STK31: variants seen among roughly 807,000 people sequenced by gnomAD.
STK31 encodes the protein serine/threonine kinase 31, also known as serine/threonine-protein kinase 31.
STK31 carries 89 observed loss-of-function variants against 129.7 expected under a neutral mutation model. The ratio of observed to expected loss-of-function variants is 0.69; its 90% CI spans 0.58 to 0.82. The LOEUF (loss-of-function observed/expected upper bound fraction) is 0.82. Ranked by LOEUF, STK31 falls within the 40% of genes least tolerant of loss-of-function variation. STK31 has a pLI of 0.00. For missense variants in STK31, 1,187 were observed against 1,176.4 expected (o/e 1.01, Z -0.13); for synonymous variants, 448 against 395.3 (o/e 1.13, Z -1.58).
intron 15 of STK31, among the ~76,000 whole-genome samples, chr7:23,779,835 G>A (rs559195625): frequency 6.6e-6 from 1 of 152,176 alleles, no homozygotes; most frequent in Non-Finnish European, 1.5e-5. Context: ...CCTCTTTTCA[G>A]GGGAGTCAAC....
At chr7:23,807,317 G>C (rs1366563450) in intron 22 of STK31, among the ~76,000 whole-genome samples, 3 of 152,072 alleles carry the variant, frequency 2.0e-5, no homozygotes, top group African/African-American at 7.2e-5. Context: ...TTTTCACTGG[G>C]AATAGAATTC....
intron 22 of STK31, among the ~76,000 whole-genome samples, chr7:23,793,279 G>A (rs772487786): frequency 1.3e-5 from 2 of 152,128 alleles, no homozygotes; most frequent in African/African-American, 2.4e-5. Context: ...AATGTAAAAC[G>A]TGAGTCTAAA....
chr7:23,755,834 T>C (rs1265111515), intron 10 of STK31, among the ~76,000 whole-genome samples: 2 of 152,206 alleles, frequency 1.3e-5, no homozygotes, highest in African/African-American at 4.8e-5. Flanking sequence ...CTGAGGTTTC[T>C]GTTCTGCTCC....
At chr7:23,816,698 G>T (rs1364014474) in intron 23 of STK31, among the ~76,000 whole-genome samples, 2 of 152,234 alleles carry the variant, frequency 1.3e-5, no homozygotes, top group African/African-American at 4.8e-5. Context: ...TGTATACGCA[G>T]AGAAGGCAGT....
At chr7:23,830,107 G>A (rs1252217382) in intron 23 of STK31, among the ~76,000 whole-genome samples, 2 of 151,972 alleles carry the variant, frequency 1.3e-5, no homozygotes, top group Non-Finnish European at 2.9e-5. Context: ...CCGCCACAAC[G>A]CCTAGCTAAT....
At chr7:23,761,655 G>C (rs1421616827) in intron 10 of STK31, among the ~76,000 whole-genome samples, 1 of 151,014 alleles carries the variant, frequency 6.6e-6, no homozygotes, top group African/African-American at 2.4e-5. Flanking sequence ...TGATCCGCCT[G>C]CCTCGGCCTC....
intron 11 of STK31, among the ~76,000 whole-genome samples, chr7:23,765,593 G>A (rs1016934553): frequency 2.6e-5 from 3 of 116,352 alleles, no homozygotes; most frequent in Non-Finnish European, 5.1e-5. Context: ...GTCTCACTCT[G>A]TTACCCAGGT....
intron 17 of STK31, among the ~76,000 whole-genome samples, chr7:23,784,985 T>A (rs968998659): frequency 6.6e-6 from 1 of 152,190 alleles, no homozygotes; most frequent in Non-Finnish European, 1.5e-5. Flanking sequence ...TTTGTTTTTT[T>A]ACAAATGTTT....
chr7:23,724,157 A>G (rs553779182), intron 4 of STK31, among the ~76,000 whole-genome samples: 17 of 152,324 alleles, frequency 1.1e-4, no homozygotes, highest in African/African-American at 4.1e-4. Context: ...TTATAATTAG[A>G]TATAAATGCT....
intron 23 of STK31, among the ~76,000 whole-genome samples, chr7:23,828,540 C>G (rs1794328833): frequency 1.3e-5 from 2 of 152,260 alleles, no homozygotes; most frequent in Admixed American, 1.3e-4. Flanking sequence ...CCTTGCGCTT[C>G]CCGGGTGAGG....
At chr7:23,759,897 A>T (rs1461579706) in intron 10 of STK31, among the ~76,000 whole-genome samples, 1 of 152,164 alleles carries the variant, frequency 6.6e-6, no homozygotes, top group Non-Finnish European at 1.5e-5. Context: ...TTTGAGGGAC[A>T]TTAGGCTTGT....
At chr7:23,766,735 A>G (rs1295762702) in intron 11 of STK31, among the ~76,000 whole-genome samples, 6 of 152,178 alleles carry the variant, frequency 3.9e-5, no homozygotes, top group Non-Finnish European at 1.5e-5. Context: ...TGTAGGTAAT[A>G]CTTGATAATT....
chr7:23,742,197 A>G (rs1197335169), intron 8 of STK31, among the ~76,000 whole-genome samples: 1 of 152,216 alleles, frequency 6.6e-6, no homozygotes, highest in African/African-American at 2.4e-5. Flanking sequence ...AACTCAGAAA[A>G]TGGTGCCTTG....
At chr7:23,805,331 C>T (rs1792634267) in intron 22 of STK31, among the ~76,000 whole-genome samples, 1 of 152,192 alleles carries the variant, frequency 6.6e-6, no homozygotes, top group Non-Finnish European at 1.5e-5. Flanking sequence ...CTGCCTCGGC[C>T]TCCCAAAGTG....
chr7:23,792,556 A>G (rs1791683988), intron 22 of STK31, among the ~76,000 whole-genome samples: 2 of 152,202 alleles, frequency 1.3e-5, no homozygotes, highest in South Asian at 4.1e-4. Context: ...ATTCGATGCA[A>G]TTTCAACAAA....
intron 16 of STK31, among the ~76,000 whole-genome samples, chr7:23,782,471 C>CAAAAAAAAAAAAAAAAA (rs66962254): frequency 2.4e-5 from 2 of 84,528 alleles, no homozygotes; most frequent in African/African-American, 4.4e-5. Flanking sequence ...GACCCTGTCT[C>CAAAAAAAAAAAAAAAAA]AAAAAAAAAA....
intron 9 of STK31, 114 bp from the exon 10 acceptor site, chr7:23,754,201 C>T (rs562070143): frequency 2.0e-6 from 2 of 1,000,508 alleles, no homozygotes; most frequent in African/African-American, 3.3e-5. Flanking sequence ...GGTACCCCTT[C>T]AAAGCCAGTG....
chr7:23,715,743 T>C (rs914529245), intron 3 of STK31, among the ~76,000 whole-genome samples: 9 of 152,238 alleles, frequency 5.9e-5, no homozygotes, highest in Non-Finnish European at 1.3e-4. Flanking sequence ...GAGACTTTGA[T>C]ATTCATCATG....
chr7:23,781,753 C>T (rs1790939731), intron 16 of STK31, among the ~76,000 whole-genome samples: 1 of 152,126 alleles, frequency 6.6e-6, no homozygotes, highest in Admixed American at 6.5e-5. Flanking sequence ...GAAGGAAAAA[C>T]ATCACTTGTA....
Sources: gnomAD v4.1 joint callset for allele counts (sites outside exome capture counted in the v4.1 genomes callset) on GRCh38, gnomAD v4.1.1 for gene constraint, MANE v1.5 for transcripts, NCBI Gene and HGNC (gene_info 2026-07-23, HGNC 2026-07-21) for gene names.